Variants in PTPRZ1 observed in about 807,000 individuals in gnomAD.
PTPRZ1 encodes protein tyrosine phosphatase receptor type Z1, also known as receptor-type tyrosine-protein phosphatase zeta.
A neutral mutation model predicts 214.1 loss-of-function variants in PTPRZ1; 82 were observed. The observed-to-expected ratio is 0.38, with a 90% confidence interval of 0.32 to 0.46. The LOEUF is 0.46. PTPRZ1 is among the 20% of genes least tolerant of loss of function. The pLI is 1.00. For synonymous variants in PTPRZ1, 945 were observed against 987.9 expected (o/e 0.96, Z 0.81); for missense variants, 2,603 against 2,748.7 (o/e 0.95, Z 1.19).
At chr7:122,004,336 C>T (rs977920917) in intron 10 of PTPRZ1, among the ~76,000 whole-genome samples, 1 of 151,948 alleles carries the variant, frequency 6.6e-6, no homozygotes, top group African/African-American at 2.4e-5. Flanking sequence ...TAGCTTCAAT[C>T]AGACTTAGGG....
intron 1 of PTPRZ1, among the ~76,000 whole-genome samples, chr7:121,887,976 C>G (rs183569552): frequency 6.6e-6 from 1 of 152,152 alleles, no homozygotes; most frequent in East Asian, 1.9e-4. Context: ...TTGATTCAAG[C>G]TTGGAGAAAG....
At chr7:121,876,306 A>T (rs1249003179) in intron 1 of PTPRZ1, among the ~76,000 whole-genome samples, 3 of 152,210 alleles carry the variant, frequency 2.0e-5, no homozygotes, top group African/African-American at 4.8e-5. Flanking sequence ...AGAGGTAGAT[A>T]TTTTAAGAGC....
At chr7:121,930,313 A>T (rs1466142213) in intron 2 of PTPRZ1, among the ~76,000 whole-genome samples, 1 of 152,186 alleles carries the variant, frequency 6.6e-6, no homozygotes, top group Non-Finnish European at 1.5e-5. Context: ...ATCCTAAAAA[A>T]TACATAAAAG....
intron 14 of PTPRZ1, among the ~76,000 whole-genome samples, chr7:122,030,729 T>A (rs1799345586): frequency 6.6e-6 from 1 of 152,024 alleles, no homozygotes; most frequent in African/African-American, 2.4e-5. Flanking sequence ...AAATCACTTG[T>A]AAAATTGCAT....
intron 23 of PTPRZ1, among the ~76,000 whole-genome samples, chr7:122,050,276 C>G (rs752269546): frequency 6.6e-6 from 1 of 151,532 alleles, no homozygotes; most frequent in Non-Finnish European, 1.5e-5. Context: ...AACCCCTTCT[C>G]TATAAAAAAT....
At chr7:122,021,762 T>C (rs13247836) in intron 13 of PTPRZ1, among the ~76,000 whole-genome samples, 1 of 152,036 alleles carries the variant, frequency 6.6e-6, no homozygotes, top group African/African-American at 2.4e-5. Flanking sequence ...ACTTTGATGG[T>C]TTTATGTATA....
intron 1 of PTPRZ1, among the ~76,000 whole-genome samples, chr7:121,918,000 TA>T (rs2116332741): frequency 6.6e-6 from 1 of 151,826 alleles, no homozygotes; most frequent in African/African-American, 2.4e-5. Context: ...TTTATTATAG[TA>T]AATGTGCTTC....
chr7:121,873,320 T>TCA lies in PTPRZ1; in HGVS notation c.-179_-178insAC, dbSNP rs1397195247. 1.8e-6 allele frequency: 1 copy of TCA among 545,460 alleles called. No individual in the cohort carries two copies. The highest frequency in any genetic ancestry group is 3.1e-6 in the Non-Finnish European group (1 of 318,838). The allele number at this position is 545,460 out of a possible 1,614,324, so 33.8% of individuals were successfully genotyped here. A position where few individuals can be genotyped will look rare whatever the true frequency, so the allele number is the denominator to read the frequency against. ...CTCTCTCTGTCTCTGTCTCTGTCTC[T>TCA]CTCTCTCTCACACACACACACACAC... On this transcript the variant is annotated 5_prime_UTR_variant, in exon 1 of 30. Coordinates refer to ENST00000393386, the MANE Select transcript of PTPRZ1 (RefSeq NM_002851.3).
intron 1 of PTPRZ1, among the ~76,000 whole-genome samples, chr7:121,922,666 T>C (rs1249022500): frequency 6.6e-6 from 1 of 152,228 alleles, no homozygotes; most frequent in Non-Finnish European, 1.5e-5. Context: ...TGACAGATGA[T>C]TGTGACTGCT....
At chr7:121,937,273 C>T (rs1047516737) in intron 2 of PTPRZ1, among the ~76,000 whole-genome samples, 2 of 152,090 alleles carry the variant, frequency 1.3e-5, no homozygotes, top group Admixed American at 6.5e-5. Flanking sequence ...GGACAGTGGG[C>T]CTGTTGGAAG....
At position 121,983,650 on chromosome 7, in the gene PTPRZ1, A is replaced by G; in HGVS notation, c.620-15A>G. ...TGTTGAGATTCCAGCTGAGATGTAT[A>G]TTATTCCTTTTTAGGGAAGCAGGCT... On this transcript the variant is annotated splice_polypyrimidine_tract_variant and intron_variant, in intron 6 of 29. Coordinates refer to ENST00000393386, the MANE Select transcript of PTPRZ1 (RefSeq NM_002851.3). 6.2e-7 allele frequency: 1 copy of G among 1,604,362 alleles called. No individual in the cohort carries two copies. The highest frequency in any genetic ancestry group is 1.1e-5 in the South Asian group (1 of 89,772).
At chr7:122,023,504 T>C (rs1318442460) in intron 13 of PTPRZ1, among the ~76,000 whole-genome samples, 2 of 129,154 alleles carry the variant, frequency 1.5e-5, no homozygotes, top group Admixed American at 1.8e-4. Flanking sequence ...ATTATATATA[T>C]GTATAATTTT....
Position 121,976,816 on chromosome 7 carries a change from C to G in PTPRZ1, c.584C>G (p.Ala195Gly). Residue 195 changes from alanine to glycine, a missense_variant, in exon 6 of 30, where the codon GCG (alanine) becomes GGG (glycine). Ala to Gly is a moderately conservative substitution (Grantham distance 60, BLOSUM62 0). This residue lies in a region of PTPRZ1 where 244 missense variants were observed against 333.2 expected (regional missense o/e 0.73). Transcript: ENST00000393386. ...VGTEENLDFKAIIDGVESVSR... is the reference protein window; with the variant it reads ...VGTEENLDFKGIIDGVESVSR... ...ACAGAAGAAAATTTGGATTTCAAAG[C>G]GATTATTGATGGAGTCGAAAGTGTT... The G allele has an allele frequency of 6.2e-7, 1 of 1,610,562 alleles. No homozygotes were observed.
intron 1 of PTPRZ1, among the ~76,000 whole-genome samples, chr7:121,900,330 T>A (rs1009236878): frequency 3.3e-5 from 5 of 152,232 alleles, no homozygotes; most frequent in African/African-American, 9.6e-5. Flanking sequence ...CTTTGCCTTG[T>A]CTCTGATACC....
chr7:121,994,227 T>A (rs1231785741), intron 8 of PTPRZ1, among the ~76,000 whole-genome samples: 1 of 151,548 alleles, frequency 6.6e-6, no homozygotes, highest in East Asian at 1.9e-4. Context: ...TTGCAATGAA[T>A]CCTTTATTTT....
At chr7:122,022,845 AAG>A (rs1283396708) in intron 13 of PTPRZ1, among the ~76,000 whole-genome samples, 2 of 152,184 alleles carry the variant, frequency 1.3e-5, no homozygotes, top group Non-Finnish European at 1.5e-5. Flanking sequence ...TACAGGAATC[AAG>A]AGAGTCTGGT....
chr7:121,928,582 C>A (rs527831739), intron 2 of PTPRZ1, among the ~76,000 whole-genome samples: 6 of 152,220 alleles, frequency 3.9e-5, no homozygotes, highest in African/African-American at 1.4e-4. Flanking sequence ...TGTCACAGAG[C>A]CTGCTTCTAA....
At position 121,911,628 on chromosome 7, in the gene PTPRZ1, A is replaced by G. The variant is rs185455064; in HGVS notation, c.59-16528A>G. ...CCTTCTCTTATCCTTTCCTTATCTT[A>G]TCTTCTTTCCTTTTCTTATCCTTTC... On this transcript the variant is annotated intron_variant, in intron 1 of 29. Coordinates refer to ENST00000393386, the MANE Select transcript of PTPRZ1 (RefSeq NM_002851.3). Among the ~76,000 whole-genome samples, 45 of 152,014 alleles carry G rather than the reference A, an allele frequency of 3.0e-4. No homozygotes were observed. In the East Asian group the frequency reaches 7.5e-3, roughly 25 times the overall value.
chr7:122,019,866 T>A (rs2116686130), intron 13 of PTPRZ1, among the ~76,000 whole-genome samples: 1 of 152,282 alleles, frequency 6.6e-6, no homozygotes, highest in African/African-American at 2.4e-5. Flanking sequence ...AAGACAAGAA[T>A]AATTGTACCC....
Sources: gnomAD v4.1 joint callset for allele counts (sites outside exome capture counted in the v4.1 genomes callset) on GRCh38, gnomAD v4.1.1 for gene constraint, gnomAD v4.1.1 regional missense constraint, MANE v1.5 for transcripts, NCBI Gene and HGNC (gene_info 2026-07-23, HGNC 2026-07-21) for gene names.